PRDM10: variants seen among roughly 807,000 people sequenced by gnomAD.
PRDM10 encodes the protein PR domain zinc finger protein 10.
PRDM10 carries 65 observed loss-of-function variants against 133.1 expected under a neutral mutation model. That is an observed-to-expected ratio of 0.49 (90% confidence interval 0.40 to 0.60). PRDM10 has a LOEUF of 0.60. PRDM10 is among the 20% of genes least tolerant of loss of function. The pLI is 0.00. For synonymous variants in PRDM10, 582 were observed against 580.4 expected (o/e 1.00, Z -0.04); for missense variants, 1,137 against 1,507.1 (o/e 0.75, Z 4.07).
At position 129,926,340 on chromosome 11, in the gene PRDM10, G is replaced by A. The variant is rs574329223; in HGVS notation, c.1531-1111C>T. Among the ~76,000 whole-genome samples the A allele has an allele frequency of 7.2e-5, 11 of 152,252 alleles. No individual in the cohort carries two copies. The East Asian group carries it at 1.5e-3, about 21-fold the overall frequency. On this transcript the variant is annotated intron_variant, in intron 11 of 20. Transcript: ENST00000360871. ...TCAATCTTTCAGTTATGCTTACAAT[G>A]AAGACTCATTCATCCGTTCCTCAGA...
At chr11:129,994,711 GCACAATCTCAGCTCAC>G (rs1938954527) in intron 1 of PRDM10, among the ~76,000 whole-genome samples, 1 of 151,856 alleles carries the variant, frequency 6.6e-6, no homozygotes. Context: ...GAGTACAGTG[GCACAATCTCAGCTCAC>G]TGCAATCTCC....
chr11:129,914,644 A>G, intron 17 of PRDM10, 60 bp downstream of exon 17: 1 of 1,593,820 alleles, frequency 6.3e-7, no homozygotes, highest in Non-Finnish European at 8.6e-7. Flanking sequence ...AGCTCTGAGA[A>G]TGAGGTGCTA....
chr11:129,902,196 G>T lies in PRDM10; in HGVS notation c.*117C>A. 1 of 1,377,132 alleles carries T rather than the reference G, an allele frequency of 7.3e-7. No individual in the cohort carries two copies. Among genetic ancestry groups the T allele is most frequent in the South Asian group, 1.4e-5 (1 of 70,440 alleles). The allele number at this position is 1,377,132 out of a possible 1,614,324, so 85.3% of individuals were successfully genotyped here. Reference sequence around the variant, plus strand: ...GTGTATGGATGAGAGACAAAACTGTGGTTTCCGAACTCTTGAGTGAATAAT... The same window carrying T: ...GTGTATGGATGAGAGACAAAACTGTTGTTTCCGAACTCTTGAGTGAATAAT... On this transcript the variant is annotated 3_prime_UTR_variant, in exon 21 of 21. Coordinates refer to ENST00000360871, the MANE Select transcript of PRDM10 (RefSeq NM_199437.2).
chr11:129,938,592 C>T (rs1001120135), intron 7 of PRDM10, among the ~76,000 whole-genome samples: 7 of 152,196 alleles, frequency 4.6e-5, no homozygotes, highest in Admixed American at 2.0e-4. Flanking sequence ...CTGGCCTCTC[C>T]TTTTCTCTGC....
intron 20 of PRDM10, among the ~76,000 whole-genome samples, chr11:129,903,647 T>C (rs549768071): frequency 1.3e-4 from 20 of 152,264 alleles, no homozygotes; most frequent in African/African-American, 4.8e-4. Context: ...AAGAGAGACG[T>C]CGCAGAGAGA....
Position 129,984,936 on chromosome 11 carries a change from C to CT in PRDM10, c.-119+17785dup, listed in dbSNP as rs375128661. ...GGGTCAATGCTACCTCCTCAGTAGG[C>CT]TTTTTTGATCATCCTTTCTCATGGG... On this transcript the variant is annotated intron_variant, in intron 1 of 20. Coordinates refer to ENST00000360871, the MANE Select transcript of PRDM10 (RefSeq NM_199437.2). 1.8e-3 allele frequency among the ~76,000 whole-genome samples: 279 copies of CT among 152,304 alleles called. 1 individual carries two copies. Among genetic ancestry groups the CT allele is most frequent in the African/African-American group, 6.0e-3 (251 of 41,558 alleles).
intron 4 of PRDM10, chr11:129,948,235 A>G (rs190484422): frequency 2.0e-4 from 75 of 377,758 alleles, no homozygotes; most frequent in African/African-American, 1.5e-3. Flanking sequence ...GGGATTATAC[A>G]CTGGCCTAGA....
intron 1 of PRDM10, among the ~76,000 whole-genome samples, chr11:129,977,460 T>C (rs1007974405): frequency 4.6e-5 from 7 of 152,246 alleles, no homozygotes; most frequent in African/African-American, 1.7e-4. Context: ...ATTTTTGTAT[T>C]TTTAGTAGAG....
intron 1 of PRDM10, among the ~76,000 whole-genome samples, chr11:129,963,010 G>A (rs1951825615): frequency 6.6e-6 from 1 of 152,004 alleles, no homozygotes; most frequent in African/African-American, 2.4e-5. Context: ...TTAGCCAGGT[G>A]TGGTGGTGTG....
chr11:130,002,004 G>A (rs1044141576), intron 1 of PRDM10, among the ~76,000 whole-genome samples: 6 of 151,566 alleles, frequency 4.0e-5, no homozygotes, highest in Admixed American at 1.3e-4. Flanking sequence ...GCAGGCCGGG[G>A]GCCCAGCCAT....
chr11:129,914,449 C>T lies in PRDM10; in HGVS notation c.2841+255G>A, dbSNP rs1245866552. Reference sequence around the variant, plus strand: ...GGGTCAGAAACAGGTGCTGTGGCTACTGTCCTGCCACAGCACAGGAGGCTT... The same window carrying T: ...GGGTCAGAAACAGGTGCTGTGGCTATTGTCCTGCCACAGCACAGGAGGCTT... On this transcript the variant is annotated intron_variant, in intron 17 of 20. Transcript: ENST00000360871. The T allele has an allele frequency of 7.2e-6, 4 of 554,604 alleles. No individual in the cohort carries two copies. The African/African-American group carries it at 7.5e-5, about 10-fold the overall frequency. 34.4% of individuals were successfully genotyped at this position (554,604 alleles called of 1,614,324 possible).
At chr11:130,000,042 ATTTTTT>A (rs955648260) in intron 1 of PRDM10, among the ~76,000 whole-genome samples, 3 of 138,636 alleles carry the variant, frequency 2.2e-5, no homozygotes, top group Non-Finnish European at 4.7e-5. Context: ...TCGCTTCTAA[ATTTTTT>A]TTTTTTTTTT....
At chr11:129,927,176 C>CAAAAAAAAAAAAA (rs57015735) in intron 11 of PRDM10, among the ~76,000 whole-genome samples, 3 of 79,370 alleles carry the variant, frequency 3.8e-5, no homozygotes, top group Admixed American at 1.7e-4. Flanking sequence ...GACTCTGTCT[C>CAAAAAAAAAAAAA]AAAAAAAAAA....
At chr11:129,929,843 C>A (rs1429451782) in intron 11 of PRDM10, among the ~76,000 whole-genome samples, 1 of 150,560 alleles carries the variant, frequency 6.6e-6, no homozygotes. Context: ...AGTAATTGAG[C>A]AAGAGAAAGA....
intron 1 of PRDM10, among the ~76,000 whole-genome samples, chr11:129,969,512 G>A (rs1951971674): frequency 6.6e-6 from 1 of 152,098 alleles, no homozygotes; most frequent in South Asian, 2.1e-4. Context: ...CAAATAGGAA[G>A]GCCTGGCACA....
intron 20 of PRDM10, among the ~76,000 whole-genome samples, chr11:129,903,518 C>T (rs1949910648): frequency 6.6e-6 from 1 of 152,042 alleles, no homozygotes; most frequent in African/African-American, 2.4e-5. Flanking sequence ...TATTTTTCCC[C>T]TCATCATGAA....
At chr11:129,907,774 T>C (rs561084425) in intron 19 of PRDM10, among the ~76,000 whole-genome samples, 2 of 152,240 alleles carry the variant, frequency 1.3e-5, no homozygotes, top group South Asian at 2.1e-4. Context: ...CTGGGTATTT[T>C]AAATATATTT....
intron 6 of PRDM10, among the ~76,000 whole-genome samples, chr11:129,943,002 C>T (rs1951264988): frequency 6.6e-6 from 1 of 152,144 alleles, no homozygotes; most frequent in East Asian, 1.9e-4. Flanking sequence ...TAATAGGCAG[C>T]CCAGGGATAG....
rs79113209 is a variant in PRDM10, at chr11:129,914,475, G to C, written c.2841+229C>G. ...TGTCCTGCCACAGCACAGGAGGCTT[G>C]TATATGCTGGAACCTAAAATTTCCT... On this transcript the variant is annotated intron_variant, in intron 17 of 20. Coordinates refer to ENST00000360871, the MANE Select transcript of PRDM10 (RefSeq NM_199437.2). 7.5e-3 allele frequency: 4,723 copies of C among 628,994 alleles called. 184 individuals carry two copies. The East Asian group carries it at 0.087, about 12-fold the overall frequency. 39.0% of individuals were successfully genotyped at this position (628,994 alleles called of 1,614,324 possible).
Sources: allele counts gnomAD v4.1 joint callset (sites outside exome capture counted in the v4.1 genomes callset), GRCh38; gene constraint gnomAD v4.1.1; transcripts MANE v1.5; gene names NCBI Gene and HGNC (gene_info 2026-07-23, HGNC 2026-07-21).